Variants in PTPRO observed in about 807,000 individuals in gnomAD.
The protein encoded by PTPRO is protein tyrosine phosphatase receptor type O.
In PTPRO, 62 loss-of-function variants were observed where a neutral mutation model predicts 145.2. That is an observed-to-expected ratio of 0.43 (90% CI 0.35 to 0.53). PTPRO has a LOEUF of 0.53. PTPRO is among the 20% of genes least tolerant of loss of function. PTPRO has a pLI of 0.01. For synonymous variants in PTPRO, 565 were observed against 514.7 expected, an observed-to-expected ratio of 1.10 and a Z score of -1.32; for missense variants, 1,345 against 1,482.7, an observed-to-expected ratio of 0.91 and a Z score of 1.53.
chr12:15,502,157 G>A, intron 5 of PTPRO, 94 bp downstream of exon 5: 1 of 1,227,876 alleles, frequency 8.1e-7, no homozygotes, highest in Non-Finnish European at 1.2e-6. Flanking sequence ...ACTGATCATA[G>A]ACAGTTATTA....
At chr12:15,469,613 C>A (rs1941493086) in intron 1 of PTPRO, among the ~76,000 whole-genome samples, 1 of 152,188 alleles carries the variant, frequency 6.6e-6, no homozygotes, top group Non-Finnish European at 1.5e-5. Flanking sequence ...AACAGGTGAG[C>A]TCAGGCTGTC....
chr12:15,477,532 A>G (rs1941682928), intron 1 of PTPRO, among the ~76,000 whole-genome samples: 1 of 152,116 alleles, frequency 6.6e-6, no homozygotes, highest in South Asian at 2.1e-4. Context: ...TCCCCACACT[A>G]AAGTAAGCTG....
intron 1 of PTPRO, among the ~76,000 whole-genome samples, chr12:15,358,920 T>A (rs1168691793): frequency 1.3e-5 from 2 of 152,234 alleles, no homozygotes; most frequent in African/African-American, 4.8e-5. Context: ...ATCCTTGGCA[T>A]TTTTACATCA....
intron 1 of PTPRO, among the ~76,000 whole-genome samples, chr12:15,470,158 G>T (rs1379814449): frequency 1.3e-5 from 2 of 152,126 alleles, no homozygotes; most frequent in African/African-American, 4.8e-5. Flanking sequence ...GAGGGAATTT[G>T]CCACCAATTA....
intron 1 of PTPRO, among the ~76,000 whole-genome samples, chr12:15,426,374 C>A (rs1002830765): frequency 2.0e-5 from 3 of 151,900 alleles, no homozygotes; most frequent in Non-Finnish European, 4.4e-5. Flanking sequence ...TTTATCTCTT[C>A]TTTTGCAATG....
chr12:15,562,481 G>GT, intron 17 of PTPRO, among the ~76,000 whole-genome samples: 1 of 152,214 alleles, frequency 6.6e-6, no homozygotes, highest in South Asian at 2.1e-4. Context: ...GGAAATATAT[G>GT]TTCCTGTTGA....
chr12:15,407,156 T>G (rs972408091), intron 1 of PTPRO, among the ~76,000 whole-genome samples: 1 of 152,234 alleles, frequency 6.6e-6, no homozygotes. Context: ...GTTGTTTACC[T>G]GAAGATAAGC....
At chr12:15,403,255 T>C (rs551056300) in intron 1 of PTPRO, among the ~76,000 whole-genome samples, 1 of 152,182 alleles carries the variant, frequency 6.6e-6, no homozygotes, top group Admixed American at 6.5e-5. Flanking sequence ...TACTGGTGTG[T>C]CTTCTGCCTG....
intron 1 of PTPRO, among the ~76,000 whole-genome samples, chr12:15,403,367 G>A (rs1565609580): frequency 2.0e-5 from 3 of 152,096 alleles, no homozygotes; most frequent in Non-Finnish European, 4.4e-5. Flanking sequence ...TGGATCACCT[G>A]AGGTCAGGAG....
chr12:15,360,799 T>C (rs1938155940), intron 1 of PTPRO, among the ~76,000 whole-genome samples: 1 of 149,712 alleles, frequency 6.7e-6, no homozygotes, highest in South Asian at 2.1e-4. Context: ...TGTATATGTG[T>C]GTATATATAC....
intron 1 of PTPRO, among the ~76,000 whole-genome samples, chr12:15,480,790 G>GAC (rs375573679): frequency 5.3e-5 from 8 of 152,218 alleles, no homozygotes; most frequent in Admixed American, 2.0e-4. Context: ...CGGACGGACA[G>GAC]ACACACACAC....
intron 1 of PTPRO, among the ~76,000 whole-genome samples, chr12:15,375,649 G>T (rs1159767979): frequency 6.6e-6 from 1 of 151,472 alleles, no homozygotes; most frequent in East Asian, 1.9e-4. Context: ...CCAGCTACTT[G>T]GGAAGCTGAG....
intron 1 of PTPRO, among the ~76,000 whole-genome samples, chr12:15,367,017 A>G (rs1447523437): frequency 6.6e-6 from 1 of 152,188 alleles, no homozygotes; most frequent in Non-Finnish European, 1.5e-5. Context: ...TGGAACACAA[A>G]CAAGATAAAC....
intron 1 of PTPRO, among the ~76,000 whole-genome samples, chr12:15,337,184 CTTCAGCAAGACTATCA>C (rs375233817): frequency 3.3e-4 from 51 of 152,280 alleles, no homozygotes; most frequent in African/African-American, 1.2e-3. Context: ...ATAGTAGAGA[CTTCAGCAAGACTATCA>C]TTCATTGCAG....
chr12:15,515,880 C>T (rs769574518), intron 8 of PTPRO, among the ~76,000 whole-genome samples: 12 of 151,138 alleles, frequency 7.9e-5, no homozygotes, highest in South Asian at 2.1e-4. Flanking sequence ...AGCTGTGTGC[C>T]GTGGCACACA....
At chr12:15,479,801 C>T (rs530101052) in intron 1 of PTPRO, among the ~76,000 whole-genome samples, 5 of 152,310 alleles carry the variant, frequency 3.3e-5, no homozygotes, top group South Asian at 2.1e-4. Context: ...TGGCGCTGGT[C>T]TCACCCTGAT....
At chr12:15,391,954 T>A (rs1461032) in intron 1 of PTPRO, among the ~76,000 whole-genome samples, 1 of 152,028 alleles carries the variant, frequency 6.6e-6, no homozygotes, top group Non-Finnish European at 1.5e-5. Flanking sequence ...AGTGCATGTA[T>A]CACATCCAAG....
At chr12:15,423,181 C>T (rs561566549) in intron 1 of PTPRO, among the ~76,000 whole-genome samples, 2 of 152,156 alleles carry the variant, frequency 1.3e-5, no homozygotes, top group Non-Finnish European at 2.9e-5. Flanking sequence ...TGACCTACTT[C>T]TCACTAATTG....
At chr12:15,465,964 T>C (rs11056504) in intron 1 of PTPRO, among the ~76,000 whole-genome samples, 17,150 of 152,198 alleles carry the variant, frequency 0.11, 1,124 homozygotes, top group East Asian at 0.24. Context: ...TGGCTATTTA[T>C]TGGATACTTA....
Sources: gnomAD v4.1 joint callset for allele counts (sites outside exome capture counted in the v4.1 genomes callset) on GRCh38, gnomAD v4.1.1 for gene constraint, MANE v1.5 for transcripts, NCBI Gene and HGNC (gene_info 2026-07-23, HGNC 2026-07-21) for gene names.